Variants in PCCA observed in about 807,000 individuals in gnomAD.
PCCA encodes the protein propionyl-CoA carboxylase subunit alpha.
PCCA carries 74 observed loss-of-function variants against 101.3 expected under a neutral mutation model. The ratio of observed to expected loss-of-function variants is 0.73; its 90% CI spans 0.61 to 0.89. The LOEUF (loss-of-function observed/expected upper bound fraction) is 0.89. Among genes scored for constraint, PCCA ranks in the 40% least tolerant of loss-of-function variants. The pLI is 0.00. For missense variants in PCCA, 891 were observed against 907.0 expected (o/e 0.98, Z 0.23); for synonymous variants, 294 against 313.6 (o/e 0.94, Z 0.66).
intron 16 of PCCA, among the ~76,000 whole-genome samples, chr13:100,314,082 A>G (rs151317205): frequency 4.3e-4 from 66 of 152,286 alleles, no homozygotes; most frequent in African/African-American, 1.5e-3. Context: ...AATGTGGCAC[A>G]TTCTAGATAG....
At chr13:100,128,932 T>C (rs1005363819) in intron 4 of PCCA, among the ~76,000 whole-genome samples, 11 of 152,178 alleles carry the variant, frequency 7.2e-5, no homozygotes, top group Non-Finnish European at 1.3e-4. Context: ...ACCCTTACCC[T>C]GAAAGATGGC....
In PCCA at chr13:100,381,955, C is replaced by T. The variant is rs535847052; in HGVS notation, c.1746+13381C>T. Among the ~76,000 whole-genome samples, 25 of 152,340 alleles carry T rather than the reference C, an allele frequency of 1.6e-4. No homozygotes were observed. In the South Asian group the frequency reaches 5.2e-3, roughly 32 times the overall value. ...CCCATGGCAGCATCCAGGAGGGGTG[C>T]CTGTGACTCCCAAAGCCCCAGAGGG... On this transcript the variant is annotated intron_variant, in intron 19 of 23. Transcript: ENST00000376285.
chr13:100,158,973 G>A (rs1257982615), intron 6 of PCCA, among the ~76,000 whole-genome samples: 1 of 148,706 alleles, frequency 6.7e-6, no homozygotes, highest in African/African-American at 2.5e-5. Flanking sequence ...GTGATGTGGT[G>A]CCAGTATTAT....
intron 21 of PCCA, among the ~76,000 whole-genome samples, chr13:100,484,870 A>T (rs538774751): frequency 1.3e-5 from 2 of 151,836 alleles, no homozygotes; most frequent in South Asian, 4.2e-4. Context: ...ACTGCTGTGA[A>T]CTCTTTTGCA....
Position 100,449,302 on chromosome 13 carries a change from A to C in PCCA, c.1896A>C (p.Thr632=), listed in dbSNP as rs61760965. 7 of 1,514,920 alleles carry C rather than the reference A, an allele frequency of 4.6e-6. No individual in the cohort carries two copies. Among genetic ancestry groups the C allele is most frequent in the Non-Finnish European group, 6.3e-6 (7 of 1,114,092 alleles). 93.8% of individuals were successfully genotyped at this position (1,514,920 alleles called of 1,614,324 possible). The stretch of plus-strand genomic sequence containing the variant: ...ACATGAGCATTCAGTTTCTTGGTAC[A>C]GTGGTAAGTATGAAATCATTCTTTA... The part of the protein sequence containing the change: ...GGNMSIQFLG[T]VYKVNILTRL... Residue 632 remains threonine, a synonymous_variant, in exon 21 of 24, where the codon ACA becomes ACC. Transcript: ENST00000376285.
rs532894945 is a variant in PCCA at position 100,117,815 on chromosome 13, A to G, written c.300+5754A>G. Among the ~76,000 whole-genome samples, 6 of 152,148 alleles carry G rather than the reference A, an allele frequency of 3.9e-5. No individual in the cohort carries two copies. The East Asian group carries it at 1.2e-3, about 29-fold the overall frequency. ...CAGCATTAAAAAGAATCCCCTGGAC[A>G]GGAAAAAGAAAAAAAAAGAGGCCGG... On this transcript the variant is annotated intron_variant, in intron 4 of 23. Transcript: ENST00000376285.
chr13:100,360,499 C>T (rs1057407040), intron 18 of PCCA, among the ~76,000 whole-genome samples: 6 of 152,104 alleles, frequency 3.9e-5, no homozygotes, highest in Non-Finnish European at 4.4e-5. Context: ...TCTTCTGAAA[C>T]TTTGTATGTA....
At chr13:100,524,163 G>A in intron 22 of PCCA, among the ~76,000 whole-genome samples, 1 of 152,222 alleles carries the variant, frequency 6.6e-6, no homozygotes, top group Non-Finnish European at 1.5e-5. Flanking sequence ...TGCTCCCAAG[G>A]GCCGAGTGCT....
At chr13:100,309,806 T>TATATA in intron 15 of PCCA, 27 bp from the exon 16 acceptor site, 1 of 1,429,506 alleles carries the variant, frequency 7.0e-7, no homozygotes, top group Non-Finnish European at 9.9e-7. Flanking sequence ...TATATATATA[T>TATATA]TGGGTTTTTT....
intron 19 of PCCA, among the ~76,000 whole-genome samples, chr13:100,386,361 G>T (rs2076499490): frequency 6.6e-6 from 1 of 152,092 alleles, no homozygotes; most frequent in Non-Finnish European, 1.5e-5. Flanking sequence ...AAAGTTGAGA[G>T]TGTCTTCTAT....
intron 18 of PCCA, among the ~76,000 whole-genome samples, chr13:100,354,104 T>TAATAAC (rs1467937907): frequency 6.9e-6 from 1 of 145,484 alleles, no homozygotes; most frequent in African/African-American, 2.5e-5. Context: ...ATAATAATAA[T>TAATAAC]AATAATAATA....
intron 12 of PCCA, among the ~76,000 whole-genome samples, chr13:100,275,958 CAT>C (rs752959300): frequency 9.9e-5 from 15 of 152,178 alleles, no homozygotes; most frequent in Non-Finnish European, 4.4e-5. Context: ...ATTCCTCCCA[CAT>C]ATTTACCTTT....
chr13:100,254,692 C>T (rs1234102735), intron 8 of PCCA, among the ~76,000 whole-genome samples: 1 of 152,126 alleles, frequency 6.6e-6, no homozygotes, highest in Non-Finnish European at 1.5e-5. Context: ...GGTGTGGTGA[C>T]AGCATATGTA....
At chr13:100,280,012 GTT>G (rs10543745) in intron 12 of PCCA, among the ~76,000 whole-genome samples, 69,397 of 140,190 alleles carry the variant, frequency 0.5, 16,552 homozygotes, top group Middle Eastern at 0.55. Context: ...TTTTGTTTTT[GTT>G]TTTTTTTTTT....
chr13:100,460,701 T>G (rs1027382066), intron 21 of PCCA, among the ~76,000 whole-genome samples: 1 of 152,208 alleles, frequency 6.6e-6, no homozygotes, highest in Non-Finnish European at 1.5e-5. Flanking sequence ...TTACAAAGAT[T>G]TACCATTAAG....
intron 20 of PCCA, among the ~76,000 whole-genome samples, chr13:100,439,856 T>G (rs1382718057): frequency 6.6e-6 from 1 of 152,120 alleles, no homozygotes; most frequent in Non-Finnish European, 1.5e-5. Flanking sequence ...GTCTAACAAT[T>G]TCTGCATTTG....
chr13:100,481,399 A>C lies in PCCA; in HGVS notation c.1899+32094A>C, dbSNP rs570931887. Among the ~76,000 whole-genome samples the C allele has an allele frequency of 7.2e-5, 11 of 152,248 alleles. No individual in the cohort carries two copies. In the East Asian group the frequency reaches 2.1e-3, roughly 29 times the overall value. The stretch of plus-strand genomic sequence containing the variant: ...ATGGCAAAACTCTGCCTCTACAAAA[A>C]ACACAAAAATTCACCGGTCACGGTG... On this transcript the variant is annotated intron_variant, in intron 21 of 23. Transcript: ENST00000376285.
At chr13:100,346,145 A>T (rs1326703404) in intron 18 of PCCA, among the ~76,000 whole-genome samples, 1 of 152,178 alleles carries the variant, frequency 6.6e-6, no homozygotes, top group African/African-American at 2.4e-5. Flanking sequence ...TTGATTTTCA[A>T]GTCTTATTAT....
intron 19 of PCCA, among the ~76,000 whole-genome samples, chr13:100,374,697 A>G (rs1212496285): frequency 2.6e-5 from 4 of 152,188 alleles, no homozygotes; most frequent in African/African-American, 9.7e-5. Context: ...CTAGCGATGG[A>G]AAAAGGAGCA....
Sources: gnomAD v4.1 joint callset for allele counts (sites outside exome capture counted in the v4.1 genomes callset) on GRCh38, gnomAD v4.1.1 for gene constraint, MANE v1.5 for transcripts, NCBI Gene and HGNC (gene_info 2026-07-23, HGNC 2026-07-21) for gene names.